ARRB1: variants seen among roughly 807,000 people sequenced by gnomAD.
The protein encoded by ARRB1 is arrestin beta 1.
In ARRB1, 21 loss-of-function variants were observed where a neutral mutation model predicts 56.8. That is an observed-to-expected ratio of 0.37 (90% CI 0.26 to 0.53). The LOEUF is 0.53. Among genes scored for constraint, ARRB1 ranks in the 20% least tolerant of loss-of-function variants. ARRB1 has a pLI of 0.88. For missense variants in ARRB1, 424 were observed against 553.7 expected (o/e 0.77, Z 2.35); for synonymous variants, 210 against 218.6 (o/e 0.96, Z 0.35).
chr11:75,289,680 C>A (rs1331797029), intron 2 of ARRB1, among the ~76,000 whole-genome samples: 2 of 152,218 alleles, frequency 1.3e-5, no homozygotes, highest in African/African-American at 4.8e-5. Context: ...AGGGGACTCA[C>A]TCCCCCACGG....
intron 1 of ARRB1, among the ~76,000 whole-genome samples, chr11:75,329,454 A>C (rs1023749089): frequency 1.3e-5 from 2 of 152,110 alleles, no homozygotes; most frequent in Non-Finnish European, 1.5e-5. Context: ...GCCTAAAAGC[A>C]GGGTTCAGGG....
chr11:75,301,834 T>C (rs116305392), intron 1 of ARRB1, among the ~76,000 whole-genome samples: 1,945 of 152,244 alleles, frequency 0.013, 36 homozygotes, highest in African/African-American at 0.042. Flanking sequence ...TGTCAGAGTG[T>C]GGCCCTTCTG....
chr11:75,331,911 G>A (rs1485640764), intron 1 of ARRB1, among the ~76,000 whole-genome samples: 2 of 152,066 alleles, frequency 1.3e-5, no homozygotes, highest in Non-Finnish European at 2.9e-5. Context: ...CATCCGGATG[G>A]CCTGAGGCAA....
At chr11:75,351,456 G>A (rs1947850131) in intron 1 of ARRB1, 132 bp downstream of exon 1, 1 of 1,351,536 alleles carries the variant, frequency 7.4e-7, no homozygotes, top group African/African-American at 1.5e-5. Context: ...GGAGACCTCG[G>A]GTGGAGGAGA....
intron 15 of ARRB1, among the ~76,000 whole-genome samples, chr11:75,266,929 T>A (rs1398952114): frequency 6.6e-6 from 1 of 152,074 alleles, no homozygotes; most frequent in African/African-American, 2.4e-5. Context: ...TGAGTGGGGT[T>A]TCAGGACTAG....
chr11:75,316,909 T>C (rs1947274764), intron 1 of ARRB1, among the ~76,000 whole-genome samples: 1 of 151,902 alleles, frequency 6.6e-6, no homozygotes, highest in South Asian at 2.1e-4. Flanking sequence ...CTACTAATAA[T>C]ACAAAAATTA....
chr11:75,308,744 CAAAAAAA>C (rs35118888), intron 1 of ARRB1, among the ~76,000 whole-genome samples: 1 of 137,382 alleles, frequency 7.3e-6, no homozygotes, highest in East Asian at 2.1e-4. Flanking sequence ...GAATCCATCT[CAAAAAAA>C]AAAAAATAGC....
intron 1 of ARRB1, among the ~76,000 whole-genome samples, chr11:75,308,744 C>CA (rs35118888): frequency 0.014 from 1,925 of 137,274 alleles, 23 homozygotes; most frequent in Non-Finnish European, 0.016. Context: ...GAATCCATCT[C>CA]AAAAAAAAAA....
intron 1 of ARRB1, among the ~76,000 whole-genome samples, chr11:75,308,465 G>T (rs1947080367): frequency 6.6e-6 from 1 of 152,198 alleles, no homozygotes; most frequent in South Asian, 2.1e-4. Context: ...AAGAAATTTG[G>T]CCTGGCACAG....
intron 1 of ARRB1, among the ~76,000 whole-genome samples, chr11:75,341,491 A>G (rs1250257457): frequency 6.6e-6 from 1 of 152,088 alleles, no homozygotes; most frequent in African/African-American, 2.4e-5. Flanking sequence ...AACCCCATTA[A>G]TATTATTATA....
At chr11:75,348,301 T>A (rs545644856) in intron 1 of ARRB1, among the ~76,000 whole-genome samples, 165 of 152,310 alleles carry the variant, frequency 1.1e-3, no homozygotes, top group African/African-American at 3.8e-3. Flanking sequence ...CAGATGAAGC[T>A]CAGTAGTTCC....
intron 1 of ARRB1, among the ~76,000 whole-genome samples, chr11:75,332,513 A>T (rs556986977): frequency 2.6e-5 from 4 of 152,356 alleles, no homozygotes; most frequent in African/African-American, 7.2e-5. Context: ...TCGTCTCCAC[A>T]ATCTTTTATC....
At chr11:75,321,492 G>A (rs1314640782) in intron 1 of ARRB1, among the ~76,000 whole-genome samples, 1 of 152,156 alleles carries the variant, frequency 6.6e-6, no homozygotes, top group African/African-American at 2.4e-5. Context: ...CCATTTGAGA[G>A]AGGCTTTATG....
At chr11:75,323,513 G>T (rs1192578178) in intron 1 of ARRB1, among the ~76,000 whole-genome samples, 1 of 152,234 alleles carries the variant, frequency 6.6e-6, no homozygotes, top group South Asian at 2.1e-4. Context: ...CCAGCTACTC[G>T]GGAGGCTGAG....
intron 12 of ARRB1, chr11:75,272,645 A>C: frequency 2.0e-6 from 1 of 495,218 alleles, no homozygotes; most frequent in Non-Finnish European, 3.7e-6. Flanking sequence ...GACCTAGGAT[A>C]GAGGAGGAGG....
intron 13 of ARRB1, chr11:75,269,253 G>A: frequency 3.2e-6 from 2 of 631,426 alleles, no homozygotes; most frequent in Admixed American, 3.8e-5. Flanking sequence ...ATTGCCCGGG[G>A]CAGCATGCAC....
intron 1 of ARRB1, among the ~76,000 whole-genome samples, chr11:75,294,344 G>C (rs1203885873): frequency 6.6e-6 from 1 of 152,006 alleles, no homozygotes. Context: ...ATCACTTGAG[G>C]TCAGGAGTTC....
intron 12 of ARRB1, 57 bp downstream of exon 12, chr11:75,272,838 G>C: frequency 6.3e-7 from 1 of 1,574,854 alleles, no homozygotes; most frequent in Non-Finnish European, 8.7e-7. Context: ...GGGCCTGTGG[G>C]CACCTGGGAC....
chr11:75,342,066 G>C (rs571480779), intron 1 of ARRB1, among the ~76,000 whole-genome samples: 4 of 152,136 alleles, frequency 2.6e-5, no homozygotes, highest in Admixed American at 2.6e-4. Flanking sequence ...AGAAACTGAG[G>C]CCCAATGAGG....
Sources: gnomAD v4.1 joint callset for allele counts (sites outside exome capture counted in the v4.1 genomes callset) on GRCh38, gnomAD v4.1.1 for gene constraint, MANE v1.5 for transcripts, NCBI Gene and HGNC (gene_info 2026-07-23, HGNC 2026-07-21) for gene names.